FGFR2: variants seen among roughly 807,000 people sequenced by gnomAD.
The protein encoded by FGFR2 is fibroblast growth factor receptor 2.
Under a neutral mutation model 95.9 loss-of-function variants are expected in FGFR2, and 19 were observed. The ratio of observed to expected loss-of-function variants is 0.20; its 90% confidence interval spans 0.14 to 0.29. The LOEUF is 0.29. FGFR2 is among the 10% of genes least tolerant of loss of function. The pLI is 1.00. For missense variants in FGFR2, 707 were observed against 1,056.9 expected, an observed-to-expected ratio of 0.67 and a Z score of 4.59; for synonymous variants, 392 against 393.3, an observed-to-expected ratio of 1.00 and a Z score of 0.04.
intron 11 of FGFR2, 89 bp from the exon 12 acceptor site, chr10:121,498,694 G>A: frequency 9.3e-7 from 1 of 1,071,786 alleles, no homozygotes; most frequent in South Asian, 1.3e-5. Flanking sequence ...AGTTGAAACA[G>A]CATGAAATTG....
chr10:121,507,190 C>T (rs1265564535), intron 9 of FGFR2, among the ~76,000 whole-genome samples: 4 of 152,174 alleles, frequency 2.6e-5, no homozygotes, highest in East Asian at 3.9e-4. Flanking sequence ...TGGGACTGTG[C>T]GGTCAGATTG....
intron 4 of FGFR2, among the ~76,000 whole-genome samples, chr10:121,555,781 A>G (rs935946364): frequency 1.1e-4 from 17 of 152,224 alleles, no homozygotes; most frequent in African/African-American, 4.1e-4. Flanking sequence ...CTACACTGTA[A>G]CAGTCATTGC....
chr10:121,510,867 T>A (rs1383057954), intron 9 of FGFR2, among the ~76,000 whole-genome samples: 2 of 151,966 alleles, frequency 1.3e-5, no homozygotes, highest in Non-Finnish European at 2.9e-5. Context: ...AGTGGCGCGA[T>A]CTCAGCTCAC....
intron 17 of FGFR2, among the ~76,000 whole-genome samples, chr10:121,481,051 T>C (rs41294241): frequency 5.3e-5 from 8 of 152,300 alleles, no homozygotes; most frequent in Non-Finnish European, 8.8e-5. Context: ...TATTTACATA[T>C]TGTCTGTGGC....
At chr10:121,569,224 CTTTT>C (rs749808833) in intron 2 of FGFR2, among the ~76,000 whole-genome samples, 9 of 83,820 alleles carry the variant, frequency 1.1e-4, no homozygotes, top group Non-Finnish European at 1.7e-4. Context: ...CTTTTCTTTT[CTTTT>C]TTTTTTTTTT....
intron 6 of FGFR2, among the ~76,000 whole-genome samples, chr10:121,524,144 A>ACCCCCCC (rs1354372561): frequency 7.7e-6 from 1 of 129,256 alleles, no homozygotes; most frequent in Non-Finnish European, 1.7e-5. Flanking sequence ...ACACACACAC[A>ACCCCCCC]CACCCCAAGT....
intron 2 of FGFR2, among the ~76,000 whole-genome samples, chr10:121,574,514 A>C (rs561464467): frequency 3.4e-4 from 52 of 151,970 alleles, no homozygotes; most frequent in African/African-American, 1.2e-3. Context: ...GGGTGACAGA[A>C]CTAAACTCCA....
rs2134837161 is a variant in FGFR2, at chr10:121,551,393, G to A, written c.521C>T (p.Thr174Ile). ...CCCGGCTGGGCAGCGAAACTTGACA[G>A]TGTTGGCCGCAGGCACAGCATGGAG... ...KRLHAVPAAN[T>I]VKFRCPAGGN... Residue 174 changes from threonine (T) to isoleucine (I), a missense_variant, in exon 5 of 18, where the codon ACT becomes ATT. Coordinates refer to ENST00000358487, the MANE Select transcript of FGFR2 (RefSeq NM_000141.5). 6.2e-7 allele frequency: 1 copy of A among 1,614,234 alleles called. No homozygotes were observed. Among genetic ancestry groups the A allele is most frequent in the Non-Finnish European group, 8.5e-7 (1 of 1,180,050 alleles).
chr10:121,588,185 A>C (rs1377019911), intron 2 of FGFR2, among the ~76,000 whole-genome samples: 7 of 152,314 alleles, frequency 4.6e-5, no homozygotes, highest in African/African-American at 1.2e-4. Flanking sequence ...GTGGGAGCTA[A>C]ATGATGAAAA....
At chr10:121,577,226 C>G (rs910499589) in intron 2 of FGFR2, among the ~76,000 whole-genome samples, 2 of 114,900 alleles carry the variant, frequency 1.7e-5, no homozygotes, top group African/African-American at 6.8e-5. Flanking sequence ...AGACCTGTCA[C>G]TGACACCGAG....
rs1483278625 is a variant in FGFR2 at position 121,565,432 on chromosome 10, A to G, written c.376+6T>C. 1 of 1,614,078 alleles carries G rather than the reference A, an allele frequency of 6.2e-7. No homozygotes were observed. The highest frequency in any genetic ancestry group is 1.1e-5 in the South Asian group (1 of 91,078). On this transcript the variant is annotated splice_donor_region_variant and intron_variant, in intron 3 of 17. Transcript: ENST00000358487. ...GAGAGAGCATAGTGCTGGCGGGCCA[A>G]CTCACCTGTGACATTCACCATGAAG...
At chr10:121,553,879 G>T (rs1855738873) in intron 4 of FGFR2, among the ~76,000 whole-genome samples, 1 of 152,220 alleles carries the variant, frequency 6.6e-6, no homozygotes, top group South Asian at 2.1e-4. Context: ...GCCAAGCCAT[G>T]GGTGAGTCTG....
At chr10:121,575,156 A>G (rs528251834) in intron 2 of FGFR2, among the ~76,000 whole-genome samples, 1 of 152,350 alleles carries the variant, frequency 6.6e-6, no homozygotes, top group South Asian at 2.1e-4. Flanking sequence ...CATATCATTT[A>G]AGTCTGCCTT....
intron 13 of FGFR2, 149 bp downstream of exon 13, chr10:121,496,383 C>T: frequency 1.6e-5 from 14 of 868,386 alleles, no homozygotes; most frequent in Non-Finnish European, 2.7e-5. Flanking sequence ...TCATTAAACT[C>T]AAATGGGAAT....
chr10:121,538,795 GA>G, intron 5 of FGFR2, 80 bp from the exon 6 acceptor site: 1 of 1,589,876 alleles, frequency 6.3e-7, no homozygotes, highest in African/African-American at 1.3e-5. Context: ...GATTTAAAAA[GA>G]AGCTGAAGGA....
intron 2 of FGFR2, among the ~76,000 whole-genome samples, chr10:121,567,679 G>C (rs3135726): frequency 0.41 from 62,828 of 152,142 alleles, 13,875 homozygotes; most frequent in East Asian, 0.5. Flanking sequence ...AGGAGGGCTG[G>C]TCCCTTGGCA....
chr10:121,567,577 G>A (rs1005113719), intron 2 of FGFR2, among the ~76,000 whole-genome samples: 1 of 152,186 alleles, frequency 6.6e-6, no homozygotes, highest in Admixed American at 6.5e-5. Context: ...GGTGACAGAC[G>A]ATAGATACAA....
At chr10:121,484,058 C>T (rs2133776225) in intron 16 of FGFR2, among the ~76,000 whole-genome samples, 1 of 152,118 alleles carries the variant, frequency 6.6e-6, no homozygotes. Context: ...TGTGTTTTCC[C>T]TGGTAACCCT....
intron 5 of FGFR2, among the ~76,000 whole-genome samples, chr10:121,544,472 T>C (rs1000909076): frequency 5.4e-5 from 8 of 149,174 alleles, no homozygotes; most frequent in African/African-American, 2.0e-4. Flanking sequence ...AAGTGGTATA[T>C]CCATACAATG....
Sources: allele counts gnomAD v4.1 joint callset (sites outside exome capture counted in the v4.1 genomes callset), GRCh38; gene constraint gnomAD v4.1.1; transcripts MANE v1.5; gene names NCBI Gene and HGNC (gene_info 2026-07-23, HGNC 2026-07-21).